Variants in TRPC4 observed in about 807,000 individuals in gnomAD.
The protein encoded by TRPC4 is transient receptor potential cation channel subfamily C member 4.
A neutral mutation model predicts 99.4 loss-of-function variants in TRPC4; 49 were observed. That is an observed-to-expected ratio of 0.49 (90% CI 0.39 to 0.63). TRPC4 has a LOEUF of 0.63. Among genes scored for constraint, TRPC4 ranks in the 20% least tolerant of loss-of-function variants. The pLI, the probability that TRPC4 is intolerant of heterozygous loss-of-function variation, is 0.00. For missense variants in TRPC4, 898 were observed against 1,152.9 expected (o/e 0.78, Z 3.20); for synonymous variants, 454 against 425.9 (o/e 1.07, Z -0.81).
chr13:37,793,047 A>G (rs1957162002), intron 1 of TRPC4, among the ~76,000 whole-genome samples: 1 of 152,140 alleles, frequency 6.6e-6, no homozygotes, highest in Non-Finnish European at 1.5e-5. Context: ...GAAGCGTGAC[A>G]AATTAGAGTC....
intron 3 of TRPC4, among the ~76,000 whole-genome samples, chr13:37,728,300 A>G (rs1183736750): frequency 6.6e-6 from 1 of 152,078 alleles, no homozygotes; most frequent in Non-Finnish European, 1.5e-5. Flanking sequence ...AAGATTCCAC[A>G]AAAGAATAGT....
chr13:37,832,050 A>G (rs1320629872), intron 1 of TRPC4, among the ~76,000 whole-genome samples: 1 of 152,238 alleles, frequency 6.6e-6, no homozygotes, highest in African/African-American at 2.4e-5. Context: ...GGTCTTACCA[A>G]AAAGAAATGA....
In TRPC4 at chr13:37,829,090, G is replaced by A. The variant is rs150320974; in HGVS notation, c.-28+40505C>T. 8.1e-3 allele frequency among the ~76,000 whole-genome samples: 1,229 copies of A among 152,176 alleles called. 5 individuals are homozygous for A. The highest frequency in any genetic ancestry group is 0.012 in the Admixed American group (184 of 15,278). On this transcript the variant is annotated intron_variant, in intron 1 of 10. Transcript: ENST00000379705. ...TCTTACATATGACAATAAATCACAA[G>A]CAACCAAAGAAAAAATAGATAAGCT...
At chr13:37,868,616 A>T (rs182619939) in intron 1 of TRPC4, among the ~76,000 whole-genome samples, 3 of 145,134 alleles carry the variant, frequency 2.1e-5, no homozygotes, top group Non-Finnish European at 3.0e-5. Flanking sequence ...AAACTGAAAA[A>T]GTTTTACAAG....
At chr13:37,815,659 A>G (rs1477548088) in intron 1 of TRPC4, among the ~76,000 whole-genome samples, 3 of 151,992 alleles carry the variant, frequency 2.0e-5, no homozygotes, top group African/African-American at 7.2e-5. Flanking sequence ...TAACCACGCA[A>G]TAAAAGTGGA....
chr13:37,807,278 A>C (rs1957550629), intron 1 of TRPC4, among the ~76,000 whole-genome samples: 1 of 152,030 alleles, frequency 6.6e-6, no homozygotes, highest in African/African-American at 2.4e-5. Context: ...TATATCCATA[A>C]AGAGCTGCTG....
intron 8 of TRPC4, among the ~76,000 whole-genome samples, chr13:37,647,235 G>C (rs536904907): frequency 1.3e-5 from 2 of 152,236 alleles, no homozygotes; most frequent in South Asian, 4.1e-4. Flanking sequence ...TCAAAGGCTG[G>C]GTGACGAGTG....
At chr13:37,684,201 A>G (rs1256294822) in intron 4 of TRPC4, among the ~76,000 whole-genome samples, 3 of 152,212 alleles carry the variant, frequency 2.0e-5, no homozygotes, top group Non-Finnish European at 2.9e-5. Flanking sequence ...AATTTTAGTC[A>G]GCAGACCATA....
intron 1 of TRPC4, among the ~76,000 whole-genome samples, chr13:37,851,324 C>A (rs1388931350): frequency 6.6e-6 from 1 of 152,142 alleles, no homozygotes; most frequent in African/African-American, 2.4e-5. Context: ...ACATTTTTCA[C>A]TTTTAAATAA....
At chr13:37,822,917 T>C (rs1195208562) in intron 1 of TRPC4, among the ~76,000 whole-genome samples, 3 of 148,696 alleles carry the variant, frequency 2.0e-5, no homozygotes, top group Non-Finnish European at 4.5e-5. Context: ...TTTCTCCACA[T>C]CCTCTCCAGC....
chr13:37,728,790 G>A (rs1955148286), intron 3 of TRPC4, among the ~76,000 whole-genome samples: 1 of 152,036 alleles, frequency 6.6e-6, no homozygotes, highest in Admixed American at 6.6e-5. Context: ...TTATTGCTAA[G>A]TTACTGTAAT....
At chr13:37,719,544 T>A (rs1348849474) in intron 3 of TRPC4, among the ~76,000 whole-genome samples, 2 of 152,112 alleles carry the variant, frequency 1.3e-5, no homozygotes, top group African/African-American at 4.8e-5. Flanking sequence ...ATATAAAAGA[T>A]CATTTTTTCT....
In TRPC4 at chr13:37,717,082, T is replaced by G. The variant is rs1954702037; in HGVS notation, c.898-24747A>C. 2.6e-5 allele frequency among the ~76,000 whole-genome samples: 4 copies of G among 152,274 alleles called. No homozygotes were observed. The South Asian group carries it at 8.3e-4, about 32-fold the overall frequency. ...AGAAGTGAGGCTGCCCAGAAGATAG[T>G]AACTTATTTCCATGACAATACTTCA... On this transcript the variant is annotated intron_variant, in intron 3 of 10. Coordinates refer to ENST00000379705, the MANE Select transcript of TRPC4 (RefSeq NM_016179.4).
intron 3 of TRPC4, among the ~76,000 whole-genome samples, chr13:37,694,198 CT>C: frequency 6.6e-6 from 1 of 151,976 alleles, no homozygotes; most frequent in Non-Finnish European, 1.5e-5. Context: ...TAGTATTAAA[CT>C]TTAGGACAGC....
chr13:37,794,651 C>T (rs1957202809), intron 1 of TRPC4, among the ~76,000 whole-genome samples: 1 of 152,140 alleles, frequency 6.6e-6, no homozygotes, highest in Non-Finnish European at 1.5e-5. Flanking sequence ...TTGTCGCTGC[C>T]AACAAACCAT....
chr13:37,667,437 G>A (rs1239758231), intron 5 of TRPC4, among the ~76,000 whole-genome samples: 1 of 152,134 alleles, frequency 6.6e-6, no homozygotes. Context: ...CTCCTGAGTA[G>A]CTGGGATTAC....
At position 37,760,663 on chromosome 13, in the gene TRPC4, G is replaced by T. The variant is rs905712524; in HGVS notation, c.379-14208C>A. On this transcript the variant is annotated intron_variant, in intron 2 of 10. Coordinates refer to ENST00000379705, the MANE Select transcript of TRPC4 (RefSeq NM_016179.4). ...TATGTGGCCCAGGACAGCTTTGAAT[G>T]CAGCCCAACACAAATTCGCAAACTT... Among the ~76,000 whole-genome samples the T allele has an allele frequency of 1.1e-4, 17 of 152,022 alleles. 1 individual carries two copies. The South Asian group carries it at 1.5e-3, about 13-fold the overall frequency.
rs746916299 is a variant in TRPC4 at position 37,634,963 on chromosome 13, G to A, written c.*1940C>T. On this transcript the variant is annotated 3_prime_UTR_variant, in exon 11 of 11. Transcript: ENST00000379705. ...AAAAACCAGGTTTAGGAGTGAACAG[G>A]GGCTTAGTGCTCCTGGCTTTTCTGA... Among the ~76,000 whole-genome samples the A allele has an allele frequency of 2.0e-5, 3 of 151,888 alleles. No homozygotes were observed. Among genetic ancestry groups the A allele is most frequent in the Non-Finnish European group, 4.4e-5 (3 of 67,960 alleles).
intron 1 of TRPC4, among the ~76,000 whole-genome samples, chr13:37,847,338 C>A (rs567814092): frequency 6.6e-6 from 1 of 151,846 alleles, no homozygotes; most frequent in Non-Finnish European, 1.5e-5. Flanking sequence ...TCATATCAAG[C>A]GGTTTTTCAG....
Sources: gnomAD v4.1 joint callset for allele counts (sites outside exome capture counted in the v4.1 genomes callset) on GRCh38, gnomAD v4.1.1 for gene constraint, MANE v1.5 for transcripts, NCBI Gene and HGNC (gene_info 2026-07-23, HGNC 2026-07-21) for gene names.